ASB3: variants seen among roughly 807,000 people sequenced by gnomAD.
ASB3 encodes ankyrin repeat and SOCS box protein 3.
ASB3 carries 41 observed loss-of-function variants against 54.5 expected under a neutral mutation model. The observed-to-expected ratio is 0.75, with a 90% CI of 0.59 to 0.98. The LOEUF is 0.98. Among genes scored for constraint, ASB3 ranks in the 50% least tolerant of loss-of-function variants. The pLI, the probability that ASB3 is intolerant of heterozygous loss-of-function variation, is 0.00. For synonymous variants in ASB3, 266 were observed against 221.2 expected (o/e 1.20, Z -1.80); for missense variants, 733 against 620.0 (o/e 1.18, Z -1.94).
At chr2:53,712,815 A>C (rs1670181101) in intron 7 of ASB3, among the ~76,000 whole-genome samples, 1 of 152,168 alleles carries the variant, frequency 6.6e-6, no homozygotes, top group Non-Finnish European at 1.5e-5. Context: ...CTGGTCTAAT[A>C]AGAAATGTTC....
At chr2:53,672,291 G>GCA (rs1423620812) in intron 9 of ASB3, among the ~76,000 whole-genome samples, 2 of 152,134 alleles carry the variant, frequency 1.3e-5, no homozygotes, top group African/African-American at 2.4e-5. Context: ...AGTATCTATA[G>GCA]TATATAGCAC....
At chr2:53,679,589 T>C (rs1373005337) in intron 9 of ASB3, among the ~76,000 whole-genome samples, 3 of 152,184 alleles carry the variant, frequency 2.0e-5, no homozygotes, top group African/African-American at 2.4e-5. Flanking sequence ...GAATCTTTGA[T>C]GTCGTTTTAT....
chr2:53,757,212 C>T (rs1435189307), intron 2 of ASB3, among the ~76,000 whole-genome samples: 2 of 152,218 alleles, frequency 1.3e-5, no homozygotes, highest in African/African-American at 2.4e-5. Context: ...ACCTGTCAGC[C>T]AGTTAAAAAT....
At chr2:53,725,949 G>T (rs1001528295) in intron 5 of ASB3, among the ~76,000 whole-genome samples, 1 of 151,660 alleles carries the variant, frequency 6.6e-6, no homozygotes, top group African/African-American at 2.4e-5. Context: ...TTTTTAATGC[G>T]TTATTTTGAG....
At chr2:53,689,388 T>G (rs747342993) in intron 9 of ASB3, among the ~76,000 whole-genome samples, 22 of 152,204 alleles carry the variant, frequency 1.4e-4, no homozygotes, top group Non-Finnish European at 2.5e-4. Flanking sequence ...TGTTATAAAC[T>G]GAGCAAGATA....
In ASB3 at chr2:53,716,631, A is replaced by G; in HGVS notation, c.717T>C (p.Asp239=). Residue 239 remains aspartate (D), a synonymous_variant, in exon 6 of 10, where the codon GAT becomes GAC. Transcript: ENST00000263634. ...GCCAACTGTCCTCATTACAGTAAAGATCAGGATCTGCCCCACTGGAGAGCA... is the reference window on the plus strand; with the variant it reads ...GCCAACTGTCCTCATTACAGTAAAGGTCAGGATCTGCCCCACTGGAGAGCA... ...ELLLSSGADP[D]LYCNEDSWQL... 1 of 1,614,218 alleles carries G rather than the reference A, an allele frequency of 6.2e-7. No individual in the cohort carries two copies. Among genetic ancestry groups the G allele is most frequent in the East Asian group, 2.2e-5 (1 of 44,886 alleles).
chr2:53,712,546 A>G (rs1294253676), intron 7 of ASB3, among the ~76,000 whole-genome samples: 8 of 152,224 alleles, frequency 5.3e-5, no homozygotes, highest in Non-Finnish European at 1.5e-5. Flanking sequence ...GAAGGCATGA[A>G]ACATACTGCC....
At chr2:53,714,605 A>T in intron 6 of ASB3, 24 bp from the exon 7 acceptor site, 1 of 1,611,022 alleles carries the variant, frequency 6.2e-7, no homozygotes, top group East Asian at 2.2e-5. Flanking sequence ...AATTCAGGAG[A>T]ATTTAGTGTT....
intron 2 of ASB3, among the ~76,000 whole-genome samples, chr2:53,764,709 G>A (rs1403870390): frequency 6.6e-6 from 1 of 152,206 alleles, no homozygotes; most frequent in Non-Finnish European, 1.5e-5. Context: ...TTTCTGTGGT[G>A]TAAATACTCC....
chr2:53,683,451 G>A (rs1668483907), intron 9 of ASB3, among the ~76,000 whole-genome samples: 1 of 151,414 alleles, frequency 6.6e-6, no homozygotes, highest in Admixed American at 6.6e-5. Flanking sequence ...TGTTTTTGAT[G>A]TGTCTTTGTC....
chr2:53,719,045 C>T (rs546022864), intron 5 of ASB3, among the ~76,000 whole-genome samples: 5 of 152,180 alleles, frequency 3.3e-5, no homozygotes, highest in East Asian at 1.9e-4. Flanking sequence ...CTCAGCCTCC[C>T]GAGTAGCTGG....
chr2:53,689,046 GT>G (rs1668773890), intron 9 of ASB3, among the ~76,000 whole-genome samples: 1 of 152,008 alleles, frequency 6.6e-6, no homozygotes, highest in South Asian at 2.1e-4. Context: ...ATTTTAGCCA[GT>G]AAATTTTAAA....
At chr2:53,697,164 T>C (rs1190747799) in intron 8 of ASB3, among the ~76,000 whole-genome samples, 6 of 152,190 alleles carry the variant, frequency 3.9e-5, no homozygotes, top group Non-Finnish European at 7.3e-5. Context: ...TATAACGCAT[T>C]AGCATGCTAG....
rs115348270 is a variant in ASB3 at position 53,702,542 on chromosome 2, C to T, written c.981-2014G>A. Among the ~76,000 whole-genome samples the T allele has an allele frequency of 1.7e-3, 255 of 152,054 alleles. No homozygotes were observed. In the Middle Eastern group the frequency reaches 0.024, roughly 14 times the overall value. ...AAATTGAGAAAACTCTTCAAGTACC[C>T]GAGATTTAAACAAAAGTCTATCTTG... On this transcript the variant is annotated intron_variant, in intron 7 of 9. Transcript: ENST00000263634.
chr2:53,779,877 T>A lies in ASB3; in HGVS notation c.-14+6944A>T, dbSNP rs1002431028. Among the ~76,000 whole-genome samples, 5 of 152,206 alleles carry A rather than the reference T, an allele frequency of 3.3e-5. 1 individual carries two copies. Among genetic ancestry groups the A allele is most frequent in the Admixed American group, 3.3e-4 (5 of 15,284 alleles). ...TTAATCCTTTAACACAAAAACAAATTCTGATAAATTGATTTCGTCTAAAGT... is the reference window on the plus strand; with the variant it reads ...TTAATCCTTTAACACAAAAACAAATACTGATAAATTGATTTCGTCTAAAGT... On this transcript the variant is annotated intron_variant, in intron 1 of 9. Transcript: ENST00000263634.
intron 1 of ASB3, chr2:53,767,626 C>T (rs886439147): frequency 4.3e-6 from 2 of 461,936 alleles, no homozygotes; most frequent in Admixed American, 3.5e-5. Flanking sequence ...GGGTGATTTA[C>T]GGATGCTGCA....
At chr2:53,690,779 A>G (rs1668871924) in intron 9 of ASB3, among the ~76,000 whole-genome samples, 1 of 152,048 alleles carries the variant, frequency 6.6e-6, no homozygotes, top group Non-Finnish European at 1.5e-5. Context: ...GTATTATATA[A>G]ACTGTTTTAA....
intron 7 of ASB3, among the ~76,000 whole-genome samples, chr2:53,710,461 T>C (rs1670032080): frequency 6.6e-6 from 1 of 152,224 alleles, no homozygotes; most frequent in Non-Finnish European, 1.5e-5. Context: ...ATATTTCTAA[T>C]ATCTGGACCA....
intron 1 of ASB3, among the ~76,000 whole-genome samples, chr2:53,766,830 T>A (rs1673494264): frequency 6.6e-6 from 1 of 152,194 alleles, no homozygotes; most frequent in Non-Finnish European, 1.5e-5. Flanking sequence ...TTCCTGCTGA[T>A]TTCTTTATAA....
Sources: gnomAD v4.1 joint callset for allele counts (sites outside exome capture counted in the v4.1 genomes callset) on GRCh38, gnomAD v4.1.1 for gene constraint, MANE v1.5 for transcripts, NCBI Gene and HGNC (gene_info 2026-07-23, HGNC 2026-07-21) for gene names.